The following ZBTB20 variants were observed in gnomAD, a reference collection of about 807,000 sequenced individuals.
The protein encoded by ZBTB20 is zinc finger and BTB domain-containing protein 20.
A neutral mutation model predicts 56.9 loss-of-function variants in ZBTB20; 9 were observed. That is an observed-to-expected ratio of 0.16 (90% confidence interval 0.10 to 0.28). The LOEUF (loss-of-function observed/expected upper bound fraction) is 0.28. ZBTB20 is among the 10% of genes least tolerant of loss of function. The probability of loss-of-function intolerance (pLI) is 1.00; values close to 1 mark genes in which losing one functional copy is unlikely to be tolerated. For missense variants in ZBTB20, 655 were observed against 1,003.0 expected (o/e 0.65, Z 4.69); for synonymous variants, 417 against 420.7 (o/e 0.99, Z 0.11).
chr3:114,605,742 G>T (rs2057094026), intron 6 of ZBTB20, among the ~76,000 whole-genome samples: 3 of 152,156 alleles, frequency 2.0e-5, no homozygotes, highest in African/African-American at 7.2e-5. Context: ...TTTGAGGAGT[G>T]GGTGCCTTAG....
At chr3:114,679,535 C>A (rs1201677710) in intron 6 of ZBTB20, among the ~76,000 whole-genome samples, 1 of 152,028 alleles carries the variant, frequency 6.6e-6, no homozygotes, top group Non-Finnish European at 1.5e-5. Flanking sequence ...ATGAAAAAAA[C>A]CTCATCATCA....
chr3:114,878,981 T>C (rs1229857692), intron 4 of ZBTB20, among the ~76,000 whole-genome samples: 1 of 152,160 alleles, frequency 6.6e-6, no homozygotes, highest in African/African-American at 2.4e-5. Context: ...CAGGTACGAA[T>C]TGGCACCAAA....
chr3:115,013,888 T>C (rs934219579), intron 2 of ZBTB20, among the ~76,000 whole-genome samples: 11 of 148,316 alleles, frequency 7.4e-5, no homozygotes, highest in African/African-American at 2.7e-4. Context: ...ACATCTACCA[T>C]AAGATCCAGC....
chr3:114,835,245 C>A (rs996838070), intron 4 of ZBTB20, among the ~76,000 whole-genome samples: 1 of 152,106 alleles, frequency 6.6e-6, no homozygotes, highest in African/African-American at 2.4e-5. Flanking sequence ...CAAAATAAGG[C>A]TTATAGCATT....
intron 4 of ZBTB20, among the ~76,000 whole-genome samples, chr3:114,845,452 T>C (rs1043101166): frequency 2.0e-5 from 3 of 150,924 alleles, no homozygotes; most frequent in African/African-American, 7.3e-5. Flanking sequence ...AAAATAGAAA[T>C]GTGAAATTCC....
intron 5 of ZBTB20, among the ~76,000 whole-genome samples, chr3:114,707,628 C>A (rs1198024408): frequency 1.3e-5 from 2 of 152,158 alleles, no homozygotes; most frequent in African/African-American, 4.8e-5. Flanking sequence ...ATGAGTGTCC[C>A]CTGGAGGGGA....
In ZBTB20 at chr3:114,316,268, C is replaced by T. The variant is rs1560043216; in HGVS notation, c.*22737G>A. The stretch of plus-strand genomic sequence containing the variant: ...TTTTCCTTTTTCACTAACACTGTTC[C>T]TTTTTTTCCTTGTTACAATCCATTC... On this transcript the variant is annotated 3_prime_UTR_variant, in exon 12 of 12. Transcript: ENST00000675478. 1 of 332,914 alleles carries T rather than the reference C, an allele frequency of 3.0e-6. No homozygotes were observed. The highest frequency in any genetic ancestry group is 2.3e-5 in the African/African-American group (1 of 43,594). 20.6% of individuals were successfully genotyped at this position (332,914 alleles called of 1,614,324 possible).
chr3:114,815,572 G>A (rs2072857990), intron 4 of ZBTB20, among the ~76,000 whole-genome samples: 1 of 152,088 alleles, frequency 6.6e-6, no homozygotes, highest in South Asian at 2.1e-4. Context: ...TATAGCAATT[G>A]TTTTCTATAA....
chr3:114,741,846 A>G (rs1578638863), intron 5 of ZBTB20, among the ~76,000 whole-genome samples: 1 of 150,808 alleles, frequency 6.6e-6, no homozygotes, highest in African/African-American at 2.4e-5. Context: ...GCCCCACTGC[A>G]CTCCAGCCTG....
intron 7 of ZBTB20, among the ~76,000 whole-genome samples, chr3:114,391,353 C>T (rs17615035): frequency 0.27 from 41,217 of 152,082 alleles, 6,900 homozygotes; most frequent in South Asian, 0.38. Flanking sequence ...CTCCATTCTA[C>T]GCTCCAGCAA....
intron 1 of ZBTB20, among the ~76,000 whole-genome samples, chr3:115,111,966 G>A (rs182288449): frequency 7.3e-4 from 111 of 152,242 alleles, no homozygotes; most frequent in African/African-American, 2.3e-3. Flanking sequence ...TTACCACTGA[G>A]TTCCTTCCCC....
At chr3:114,588,212 C>T (rs2055380413) in intron 6 of ZBTB20, among the ~76,000 whole-genome samples, 1 of 152,220 alleles carries the variant, frequency 6.6e-6, no homozygotes, top group South Asian at 2.1e-4. Flanking sequence ...CAACTTCAAA[C>T]TTTGCACAGA....
intron 4 of ZBTB20, among the ~76,000 whole-genome samples, chr3:114,811,986 C>T (rs1359980943): frequency 6.6e-6 from 1 of 152,098 alleles, no homozygotes; most frequent in African/African-American, 2.4e-5. Context: ...CGGATGTGTT[C>T]GGAGTTTCTG....
chr3:114,849,240 T>C (rs2074873829), intron 4 of ZBTB20, among the ~76,000 whole-genome samples: 1 of 152,220 alleles, frequency 6.6e-6, no homozygotes, highest in African/African-American at 2.4e-5. Context: ...ATCATTTCTT[T>C]TGAAATTCAA....
intron 6 of ZBTB20, among the ~76,000 whole-genome samples, chr3:114,672,721 A>G (rs1267042131): frequency 6.6e-6 from 1 of 152,130 alleles, no homozygotes; most frequent in Non-Finnish European, 1.5e-5. Context: ...TAATTAAAAG[A>G]GTATGAGTTT....
chr3:114,525,737 A>T (rs2047147298), intron 6 of ZBTB20, among the ~76,000 whole-genome samples: 1 of 152,214 alleles, frequency 6.6e-6, no homozygotes, highest in Non-Finnish European at 1.5e-5. Context: ...AGTGTAGGGC[A>T]GATAACGGGT....
intron 1 of ZBTB20, among the ~76,000 whole-genome samples, chr3:115,116,621 C>T (rs1466294592): frequency 1.3e-5 from 2 of 151,848 alleles, no homozygotes; most frequent in Non-Finnish European, 2.9e-5. Context: ...AGTCAAAGCA[C>T]ACAAAATTTA....
chr3:114,622,179 C>T (rs570463433), intron 6 of ZBTB20, among the ~76,000 whole-genome samples: 2 of 152,008 alleles, frequency 1.3e-5, no homozygotes, highest in African/African-American at 4.8e-5. Flanking sequence ...GACAGTTTTC[C>T]TGGGAGTCTG....
At chr3:114,646,190 G>A (rs1444680431) in intron 6 of ZBTB20, among the ~76,000 whole-genome samples, 5 of 151,650 alleles carry the variant, frequency 3.3e-5, no homozygotes, top group Admixed American at 3.3e-4. Flanking sequence ...GGAAAGTAGG[G>A]GTCTGTGGGT....
Sources: gnomAD v4.1 joint callset for allele counts (sites outside exome capture counted in the v4.1 genomes callset) on GRCh38, gnomAD v4.1.1 for gene constraint, MANE v1.5 for transcripts, NCBI Gene and HGNC (gene_info 2026-07-23, HGNC 2026-07-21) for gene names.